The following PTK2 variants were observed in gnomAD, a reference collection of about 807,000 sequenced individuals.
The protein encoded by PTK2 is focal adhesion kinase 1.
In PTK2, 45 loss-of-function variants were observed where a neutral mutation model predicts 150.1. The ratio of observed to expected loss-of-function variants is 0.30; its 90% CI spans 0.24 to 0.38. The LOEUF is 0.38. PTK2 is among the 10% of genes least tolerant of loss of function. The pLI is 1.00. For missense variants in PTK2, 919 were observed against 1,307.3 expected (o/e 0.70, Z 4.58); for synonymous variants, 432 against 449.2 (o/e 0.96, Z 0.48).
chr8:140,697,604 A>G (rs2100027529), intron 26 of PTK2, among the ~76,000 whole-genome samples: 1 of 152,024 alleles, frequency 6.6e-6, no homozygotes, highest in African/African-American at 2.4e-5. Flanking sequence ...TTTGTATTTC[A>G]GTACAGATGG....
At chr8:140,852,397 C>T (rs1385232318) in intron 5 of PTK2, among the ~76,000 whole-genome samples, 4 of 152,154 alleles carry the variant, frequency 2.6e-5, no homozygotes, top group Non-Finnish European at 1.5e-5. Context: ...TGATTACATA[C>T]ATTTGCACCT....
At chr8:140,739,325 C>T (rs2100054348) in intron 20 of PTK2, among the ~76,000 whole-genome samples, 1 of 152,102 alleles carries the variant, frequency 6.6e-6, no homozygotes, top group Non-Finnish European at 1.5e-5. Flanking sequence ...TACCAATGTC[C>T]TTCCCTCTAT....
intron 14 of PTK2, 123 bp downstream of exon 16, chr8:140,769,452 C>A (rs1037951163): frequency 6.6e-6 from 3 of 451,856 alleles, no homozygotes; most frequent in Admixed American, 8.9e-5. Context: ...ATTTTGCATA[C>A]CATTTTGTAC....
chr8:140,988,572 A>G (rs2100194264), intron 1 of PTK2, among the ~76,000 whole-genome samples: 1 of 152,124 alleles, frequency 6.6e-6, no homozygotes, highest in Admixed American at 6.5e-5. Context: ...TACTGAAAAT[A>G]CAAAAAAATA....
intron 2 of PTK2, among the ~76,000 whole-genome samples, chr8:140,902,773 T>C (rs2100159040): frequency 6.6e-6 from 1 of 152,168 alleles, no homozygotes; most frequent in African/African-American, 2.4e-5. Context: ...GAAGTGTCTG[T>C]TCATATCCTT....
In PTK2 at chr8:140,743,221, A is replaced by AT; in HGVS notation, c.1735+8dup. 6.4e-7 allele frequency: 1 copy of AT among 1,557,542 alleles called. No individual in the cohort carries two copies. The highest frequency in any genetic ancestry group is 8.8e-7 in the Non-Finnish European group (1 of 1,130,294). On this transcript the variant is annotated intron_variant, in intron 20 of 31. Transcript: ENST00000522684. The stretch of plus-strand genomic sequence containing the variant: ...AGCCTATTTCTTAGGTACTACTCTG[A>AT]TTTCTTACCTTTGTAGTAAGTACTA...
intron 22 of PTK2, among the ~76,000 whole-genome samples, chr8:140,727,547 T>G (rs2100046620): frequency 6.6e-6 from 1 of 151,274 alleles, no homozygotes; most frequent in Non-Finnish European, 1.5e-5. Flanking sequence ...ACACCACCTT[T>G]GAAAGGAATT....
intron 1 of PTK2, among the ~76,000 whole-genome samples, chr8:140,945,091 G>A (rs2100177233): frequency 1.3e-5 from 2 of 152,152 alleles, no homozygotes; most frequent in African/African-American, 4.8e-5. Flanking sequence ...GTTCTTGCCT[G>A]AAAACTGAAG....
chr8:140,970,574 C>T (rs1190763337), intron 1 of PTK2, among the ~76,000 whole-genome samples: 1 of 152,254 alleles, frequency 6.6e-6, no homozygotes, highest in African/African-American at 2.4e-5. Flanking sequence ...CCTGGCAAAT[C>T]TGCCAAGAAA....
At chr8:140,916,242 T>C (rs775600419) in intron 2 of PTK2, among the ~76,000 whole-genome samples, 15 of 152,228 alleles carry the variant, frequency 9.9e-5, no homozygotes, top group Non-Finnish European at 2.1e-4. Context: ...TTTTAAGGAA[T>C]GTGGATTAGG....
At chr8:140,918,124 G>T (rs1254351713) in intron 2 of PTK2, among the ~76,000 whole-genome samples, 1 of 152,192 alleles carries the variant, frequency 6.6e-6, no homozygotes, top group Non-Finnish European at 1.5e-5. Context: ...AGTAGGAGTT[G>T]GCTAGTCAGA....
chr8:140,753,057 T>C (rs919656344), intron 16 of PTK2, among the ~76,000 whole-genome samples: 2 of 152,196 alleles, frequency 1.3e-5, no homozygotes, highest in South Asian at 4.1e-4. Context: ...TGGAGTACCA[T>C]GGCCTGACCC....
chr8:140,716,363 G>GT, intron 23 of PTK2, among the ~76,000 whole-genome samples: 1 of 151,676 alleles, frequency 6.6e-6, no homozygotes, highest in Non-Finnish European at 1.5e-5. Flanking sequence ...GTACGTGCTA[G>GT]TTTTTTCTGT....
chr8:140,796,334 AAGTCACACC>A (rs1448323894), intron 12 of PTK2, among the ~76,000 whole-genome samples: 1 of 152,220 alleles, frequency 6.6e-6, no homozygotes, highest in Non-Finnish European at 1.5e-5. Flanking sequence ...CAAAATAACC[AAGTCACACC>A]AGGAAGACCA....
exon 32 of PTK2, chr8:140,658,326 G>GT (rs992776143): frequency 9.3e-5 from 16 of 172,190 alleles, no homozygotes; most frequent in Non-Finnish European, 1.3e-5. Flanking sequence ...TCTCTTGTAT[G>GT]TTATCTTATC....
intron 26 of PTK2, among the ~76,000 whole-genome samples, chr8:140,692,112 T>C (rs376932712): frequency 6.6e-6 from 1 of 152,216 alleles, no homozygotes; most frequent in Non-Finnish European, 1.5e-5. Context: ...CTTTCTTTAA[T>C]GCATAATTCC....
At position 140,744,787 on chromosome 8, in the gene PTK2, A is replaced by AAT; in HGVS notation, c.1519-21_1519-20insAT. 8.2e-5 allele frequency: 111 copies of AAT among 1,358,730 alleles called. No homozygotes were observed. Among genetic ancestry groups the AAT allele is most frequent in the Non-Finnish European group, 1.1e-4 (104 of 977,884 alleles). The allele number at this position is 1,358,730 out of a possible 1,614,324, so 84.2% of individuals were successfully genotyped here. Reference sequence around the variant, plus strand: ...CCTCAGCTTTTGGAACAATGACCAAAAGAAAAAAAAAAAAAAAAGAATTAG... The same window carrying AAT: ...CCTCAGCTTTTGGAACAATGACCAAAATAGAAAAAAAAAAAAAAAAGAATTAG... On this transcript the variant is annotated intron_variant, in intron 18 of 31. Transcript: ENST00000522684.
intron 2 of PTK2, chr8:140,920,821 C>T (rs1160960153): frequency 7.9e-6 from 12 of 1,517,350 alleles, no homozygotes; most frequent in African/African-American, 7.0e-5. Context: ...TACCTTTAGC[C>T]CAACACACTG....
chr8:140,664,266 G>A (rs1054473162), intron 31 of PTK2, among the ~76,000 whole-genome samples: 1 of 152,176 alleles, frequency 6.6e-6, no homozygotes, highest in African/African-American at 2.4e-5. Flanking sequence ...ACAGGCGTGA[G>A]CCACTGCGCC....
Sources: gnomAD v4.1 joint callset for allele counts (sites outside exome capture counted in the v4.1 genomes callset) on GRCh38, gnomAD v4.1.1 for gene constraint, MANE v1.5 for transcripts, NCBI Gene and HGNC (gene_info 2026-07-23, HGNC 2026-07-21) for gene names.